Variants in NEBL observed in about 807,000 individuals in gnomAD.
NEBL encodes the protein LIM and SH3 protein 2.
Under a neutral mutation model 140.2 loss-of-function variants are expected in NEBL, and 122 were observed. That is an observed-to-expected ratio of 0.87 (90% confidence interval 0.75 to 1.01). The LOEUF (loss-of-function observed/expected upper bound fraction) is 1.01, where lower values mean the gene tolerates loss of function less well. Ranked by LOEUF, NEBL falls within the 50% of genes least tolerant of loss-of-function variation. The pLI, the probability that NEBL is intolerant of heterozygous loss-of-function variation, is 0.00. For synonymous variants in NEBL, 436 were observed against 398.9 expected (o/e 1.09, Z -1.11); for missense variants, 1,365 against 1,231.3 (o/e 1.11, Z -1.62).
At chr10:20,941,704 C>T (rs1022433598) in intron 4 of NEBL, among the ~76,000 whole-genome samples, 8 of 151,762 alleles carry the variant, frequency 5.3e-5, no homozygotes, top group African/African-American at 1.9e-4. Flanking sequence ...CAGCCCAAAA[C>T]CTCCTTAATT....
rs148261625 is a variant in NEBL at position 21,247,880 on chromosome 10, C to T, written n.348+41G>A. ...TCTATAAAAAGTTAGAAGAGATAAA[C>T]GCTGAAAAAGAATAAAAGAACCATA... On this transcript the variant is annotated intron_variant and non_coding_transcript_variant, in intron 3 of 8. Transcript: ENST00000675702. The T allele has an allele frequency of 1.7e-3, 384 of 226,292 alleles. 1 individual carries two copies. The highest frequency in any genetic ancestry group is 8.0e-3 in the African/African-American group (347 of 43,250). 14.0% of individuals were successfully genotyped at this position (226,292 alleles called of 1,614,324 possible).
chr10:21,060,981 C>G (rs901115621), intron 2 of NEBL, among the ~76,000 whole-genome samples: 1 of 151,992 alleles, frequency 6.6e-6, no homozygotes, highest in East Asian at 1.9e-4. Flanking sequence ...ACTGTGCCCC[C>G]GAGAAAGATT....
chr10:21,064,593 T>C (rs1425132645), intron 2 of NEBL, among the ~76,000 whole-genome samples: 2 of 152,242 alleles, frequency 1.3e-5, no homozygotes, highest in African/African-American at 4.8e-5. Context: ...ATTAAATGTA[T>C]GTTGCTCCTT....
At chr10:20,952,442 A>T (rs1835524662) in intron 4 of NEBL, among the ~76,000 whole-genome samples, 1 of 53,464 alleles carries the variant, frequency 1.9e-5, no homozygotes, top group Non-Finnish European at 7.0e-5. Context: ...GTCTGAAGGA[A>T]AAAAAAAAAA....
intron 3 of NEBL, among the ~76,000 whole-genome samples, chr10:21,009,516 A>G (rs1474359821): frequency 2.0e-5 from 3 of 152,182 alleles, no homozygotes; most frequent in Non-Finnish European, 4.4e-5. Flanking sequence ...CTGACCCTTG[A>G]CTTCACCAAA....
At chr10:21,051,518 G>A (rs1312322717) in intron 2 of NEBL, among the ~76,000 whole-genome samples, 3 of 151,870 alleles carry the variant, frequency 2.0e-5, no homozygotes, top group African/African-American at 7.3e-5. Flanking sequence ...ATACATAAAA[G>A]AAAATGAAAA....
chr10:21,094,015 T>G (rs1837044166), intron 2 of NEBL, among the ~76,000 whole-genome samples: 1 of 152,204 alleles, frequency 6.6e-6, no homozygotes, highest in Non-Finnish European at 1.5e-5. Flanking sequence ...TTTGACACAT[T>G]AAGCATCACT....
At chr10:21,226,801 G>C (rs911566218) in intron 3 of NEBL, among the ~76,000 whole-genome samples, 1 of 152,168 alleles carries the variant, frequency 6.6e-6, no homozygotes, top group Non-Finnish European at 1.5e-5. Flanking sequence ...CCTCTTCAGT[G>C]CCTGTTTTGG....
At chr10:20,913,341 C>T (rs899385635) in intron 4 of NEBL, among the ~76,000 whole-genome samples, 9 of 152,142 alleles carry the variant, frequency 5.9e-5, no homozygotes, top group Non-Finnish European at 1.0e-4. Flanking sequence ...AGAAAAGGTA[C>T]ACTCCTGAAA....
intron 3 of NEBL, among the ~76,000 whole-genome samples, chr10:21,185,290 C>T (rs998467211): frequency 2.0e-5 from 3 of 152,066 alleles, no homozygotes; most frequent in Admixed American, 6.6e-5. Flanking sequence ...GAAAAGGTCA[C>T]CGTTCCCAGA....
intron 4 of NEBL, among the ~76,000 whole-genome samples, chr10:20,941,287 C>G (rs534968352): frequency 4.6e-5 from 7 of 152,282 alleles, no homozygotes; most frequent in African/African-American, 1.4e-4. Context: ...TCAACATACG[C>G]AAATCAATAA....
intron 2 of NEBL, among the ~76,000 whole-genome samples, chr10:21,082,760 C>CTTTTTTTTTTTTTTTT (rs1564504896): frequency 1.9e-5 from 1 of 52,842 alleles, no homozygotes; most frequent in African/African-American, 5.4e-5. Context: ...AGGAGGGATG[C>CTTTTTTTTTTTTTTTT]ATTTTTTTTT....
chr10:20,800,674 A>G (rs961923592), intron 26 of NEBL, among the ~76,000 whole-genome samples: 4 of 152,002 alleles, frequency 2.6e-5, no homozygotes, highest in African/African-American at 7.3e-5. Context: ...GCTCTTCTGC[A>G]TAAACGACAA....
intron 1 of NEBL, among the ~76,000 whole-genome samples, chr10:21,266,954 T>G (rs1842803431): frequency 6.6e-6 from 1 of 152,018 alleles, no homozygotes. Flanking sequence ...TTTTTGTTTT[T>G]TTTGTTTATT....
chr10:21,185,104 A>G (rs1222489920), intron 3 of NEBL, among the ~76,000 whole-genome samples: 2 of 152,194 alleles, frequency 1.3e-5, no homozygotes, highest in Non-Finnish European at 2.9e-5. Context: ...CCATAATGGT[A>G]TGTCTCTTGC....
At chr10:21,260,655 C>T (rs998620273) in intron 1 of NEBL, among the ~76,000 whole-genome samples, 1 of 152,118 alleles carries the variant, frequency 6.6e-6, no homozygotes, top group African/African-American at 2.4e-5. Context: ...TGAAACCAGA[C>T]AGGCAGAGCT....
At chr10:21,123,546 T>C (rs1838676825) in intron 2 of NEBL, among the ~76,000 whole-genome samples, 1 of 152,024 alleles carries the variant, frequency 6.6e-6, no homozygotes, top group African/African-American at 2.4e-5. Flanking sequence ...CCCCACCACT[T>C]AGTCCTTCTT....
intron 2 of NEBL, among the ~76,000 whole-genome samples, chr10:21,249,281 C>T (rs865784183): frequency 2.0e-5 from 3 of 152,128 alleles, no homozygotes; most frequent in South Asian, 4.1e-4. Context: ...TTATGAGATA[C>T]GTGATTTGAA....
intron 3 of NEBL, among the ~76,000 whole-genome samples, chr10:21,245,782 A>G (rs1403695912): frequency 6.6e-6 from 1 of 151,938 alleles, no homozygotes. Context: ...TGCAAGCTCC[A>G]CCTCCTGGGT....
Sources: allele counts gnomAD v4.1 joint callset (sites outside exome capture counted in the v4.1 genomes callset), GRCh38; gene constraint gnomAD v4.1.1; transcripts MANE v1.5; gene names NCBI Gene and HGNC (gene_info 2026-07-23, HGNC 2026-07-21).